Variants in COL8A1 observed in about 807,000 individuals in gnomAD.
COL8A1 encodes collagen alpha-1(VIII) chain.
A neutral mutation model predicts 42.7 loss-of-function variants in COL8A1; 21 were observed. That is an observed-to-expected ratio of 0.49 (90% CI 0.35 to 0.71). The LOEUF (loss-of-function observed/expected upper bound fraction) is 0.71, where lower values mean the gene tolerates loss of function less well. Ranked by LOEUF, COL8A1 falls within the 30% of genes least tolerant of loss-of-function variation. The pLI is 0.01. For synonymous variants in COL8A1, 367 were observed against 369.1 expected, an observed-to-expected ratio of 0.99 and a Z score of 0.06; for missense variants, 788 against 962.4, an observed-to-expected ratio of 0.82 and a Z score of 2.40.
chr3:99,699,818 T>G (rs1201847482), intron 1 of COL8A1, among the ~76,000 whole-genome samples: 3 of 152,054 alleles, frequency 2.0e-5, no homozygotes, highest in Non-Finnish European at 4.4e-5. Flanking sequence ...CACATACACA[T>G]ACACAGACAC....
chr3:99,737,817 G>C (rs567732307), intron 1 of COL8A1, among the ~76,000 whole-genome samples: 108 of 152,088 alleles, frequency 7.1e-4, no homozygotes, highest in Admixed American at 1.3e-3. Flanking sequence ...ATCCTGCAGA[G>C]TGTTTTCCAA....
At chr3:99,645,856 C>T (rs1937631693) in intron 1 of COL8A1, among the ~76,000 whole-genome samples, 1 of 152,156 alleles carries the variant, frequency 6.6e-6, no homozygotes, top group Admixed American at 6.5e-5. Context: ...CCAGCCAAGA[C>T]TGAATCTAAA....
chr3:99,716,848 A>C (rs1017335595), intron 1 of COL8A1, among the ~76,000 whole-genome samples: 1 of 152,056 alleles, frequency 6.6e-6, no homozygotes, highest in African/African-American at 2.4e-5. Context: ...AAGGTTGTTC[A>C]GTCCCGTTTA....
chr3:99,708,013 C>G (rs1400427743), intron 1 of COL8A1, among the ~76,000 whole-genome samples: 1 of 152,132 alleles, frequency 6.6e-6, no homozygotes, highest in Non-Finnish European at 1.5e-5. Context: ...AAGTCTTACT[C>G]CAGAGCTCCC....
At chr3:99,683,915 A>G (rs1281455828) in intron 1 of COL8A1, among the ~76,000 whole-genome samples, 2 of 152,212 alleles carry the variant, frequency 1.3e-5, no homozygotes, top group Non-Finnish European at 2.9e-5. Flanking sequence ...AAGCTAAAAA[A>G]AAACCAACAT....
intron 1 of COL8A1, among the ~76,000 whole-genome samples, chr3:99,722,181 A>G (rs1457538359): frequency 2.0e-5 from 3 of 152,288 alleles, no homozygotes; most frequent in Admixed American, 2.0e-4. Context: ...TATTTTCAAA[A>G]GGCTCATTTT....
intron 2 of COL8A1, among the ~76,000 whole-genome samples, chr3:99,758,611 G>A (rs561970730): frequency 1.3e-5 from 2 of 152,260 alleles, no homozygotes; most frequent in African/African-American, 4.8e-5. Context: ...ACTAGAGCAT[G>A]CTTGTAGAAA....
At chr3:99,686,338 G>A (rs573329983) in intron 1 of COL8A1, among the ~76,000 whole-genome samples, 50 of 152,214 alleles carry the variant, frequency 3.3e-4, no homozygotes, top group African/African-American at 1.2e-3. Flanking sequence ...AAAGAAAAGA[G>A]AACAATAAAG....
At chr3:99,754,212 A>G (rs34605311) in intron 2 of COL8A1, among the ~76,000 whole-genome samples, 12,115 of 152,184 alleles carry the variant, frequency 0.08, 578 homozygotes, top group Middle Eastern at 0.11. Flanking sequence ...ATTTGGAATC[A>G]TTTTTCCACC....
chr3:99,705,921 T>G (rs936265744), intron 1 of COL8A1, among the ~76,000 whole-genome samples: 2 of 152,226 alleles, frequency 1.3e-5, no homozygotes, highest in Non-Finnish European at 2.9e-5. Flanking sequence ...TACTTTTAAA[T>G]GTCAATTTTT....
intron 1 of COL8A1, among the ~76,000 whole-genome samples, chr3:99,681,736 TTAAGAC>T (rs1343093536): frequency 6.6e-6 from 1 of 152,210 alleles, no homozygotes; most frequent in Non-Finnish European, 1.5e-5. Context: ...TTTCACCACT[TTAAGAC>T]TAAGACAGAT....
chr3:99,666,926 G>T (rs1247457808), intron 1 of COL8A1, among the ~76,000 whole-genome samples: 1 of 152,110 alleles, frequency 6.6e-6, no homozygotes, highest in South Asian at 2.1e-4. Context: ...ACAGGACCAG[G>T]ATAATTTATT....
intron 1 of COL8A1, among the ~76,000 whole-genome samples, chr3:99,663,213 T>G (rs1379739673): frequency 6.6e-6 from 1 of 152,180 alleles, no homozygotes; most frequent in East Asian, 1.9e-4. Context: ...TTGCCCAGGC[T>G]AAAGTGCAGT....
chr3:99,641,847 T>C (rs1937512461), intron 1 of COL8A1, among the ~76,000 whole-genome samples: 1 of 152,178 alleles, frequency 6.6e-6, no homozygotes, highest in South Asian at 2.1e-4. Context: ...AGTGTATTCT[T>C]GTGAAAGGTG....
chr3:99,779,681 C>T (rs1243644351), intron 2 of COL8A1, among the ~76,000 whole-genome samples: 1 of 152,182 alleles, frequency 6.6e-6, no homozygotes, highest in Admixed American at 6.5e-5. Flanking sequence ...ATTTGTTACT[C>T]ACTTATTAGA....
intron 1 of COL8A1, among the ~76,000 whole-genome samples, chr3:99,696,995 T>C (rs1939391128): frequency 7.2e-6 from 1 of 138,848 alleles, no homozygotes; most frequent in Non-Finnish European, 1.6e-5. Context: ...TTTTTTTTTT[T>C]TTTTTTTTTG....
intron 2 of COL8A1, among the ~76,000 whole-genome samples, chr3:99,780,422 C>T (rs1941773574): frequency 6.6e-6 from 1 of 152,200 alleles, no homozygotes; most frequent in Non-Finnish European, 1.5e-5. Flanking sequence ...CCTTTAGGCA[C>T]TGGGCTTCTA....
At chr3:99,658,114 C>CAAAAAAA in intron 1 of COL8A1, among the ~76,000 whole-genome samples, 1 of 93,292 alleles carries the variant, frequency 1.1e-5, no homozygotes, top group Non-Finnish European at 2.4e-5. Context: ...GACTCCATCT[C>CAAAAAAA]AAAAAAACAA....
At chr3:99,734,363 C>T (rs1940629565) in intron 1 of COL8A1, among the ~76,000 whole-genome samples, 1 of 143,200 alleles carries the variant, frequency 7.0e-6, no homozygotes, top group Admixed American at 6.7e-5. Flanking sequence ...CAGCTTTCTA[C>T]ATATGGCTAG....
Sources: allele counts gnomAD v4.1 joint callset (sites outside exome capture counted in the v4.1 genomes callset), GRCh38; gene constraint gnomAD v4.1.1; transcripts MANE v1.5; gene names NCBI Gene and HGNC (gene_info 2026-07-23, HGNC 2026-07-21).